RALB: variants seen among roughly 807,000 people sequenced by gnomAD.
RALB encodes the protein ras-related protein Ral-B.
Under a neutral mutation model 21.3 loss-of-function variants are expected in RALB, and 16 were observed. The observed-to-expected ratio is 0.75, with a 90% CI of 0.51 to 1.14. RALB has a LOEUF of 1.14. Among genes scored for constraint, RALB ranks in the 50% most tolerant of loss-of-function variants. The pLI is 0.00. For missense variants in RALB, 161 were observed against 256.2 expected (o/e 0.63, Z 2.54); for synonymous variants, 93 against 96.1 (o/e 0.97, Z 0.19).
chr2:120,265,967 G>T (rs1198051339), intron 1 of RALB, among the ~76,000 whole-genome samples: 5 of 152,222 alleles, frequency 3.3e-5, no homozygotes, highest in African/African-American at 9.6e-5. Flanking sequence ...GTATAAATGT[G>T]TAACCATCTG....
intron 3 of RALB, among the ~76,000 whole-genome samples, chr2:120,287,772 A>C (rs1038069058): frequency 2.6e-5 from 4 of 152,212 alleles, no homozygotes; most frequent in African/African-American, 9.7e-5. Flanking sequence ...GGAAAGAGAG[A>C]TCCTTAGAAG....
At position 120,272,002 on chromosome 2, in the gene RALB, C is replaced by T. The variant is rs1689676585; in HGVS notation, c.-47-6616C>T. ...AACATGTTGAAGGGTGCCATCTTAA[C>T]TCAGGCTGCCATAACAAAATACCAT... On this transcript the variant is annotated intron_variant, in intron 1 of 4. Transcript: ENST00000272519. Among the ~76,000 whole-genome samples, 2 of 152,184 alleles carry T rather than the reference C, an allele frequency of 1.3e-5. 1 individual carries two copies. The highest frequency in any genetic ancestry group is 4.1e-4 in the South Asian group (2 of 4,834).
At chr2:120,252,002 T>C (rs1689065770), upstream of RALB, among the ~76,000 whole-genome samples, 1 of 152,180 alleles carries the variant, frequency 6.6e-6, no homozygotes, top group Non-Finnish European at 1.5e-5. Flanking sequence ...CTAGCAGCCA[T>C]GGATATCACA....
intron 3 of RALB, among the ~76,000 whole-genome samples, chr2:120,288,875 C>T (rs1573359454): frequency 6.6e-6 from 1 of 152,156 alleles, no homozygotes; most frequent in East Asian, 1.9e-4. Flanking sequence ...TGGCCTATAA[C>T]ATTACTGTGT....
At position 120,285,964 on chromosome 2, in the gene RALB, A is replaced by T. The variant is rs756159101; in HGVS notation, c.205A>T (p.Thr69Ser). ...GEEVQIDILDTAGQEDYAAIR... is the reference protein window; with the variant it reads ...GEEVQIDILDSAGQEDYAAIR... ...AGAAGTTCAGATAGATATTCTGGAC[A>T]CCGCTGGGCAAGAGGACTACGCAGC... Residue 69 changes from threonine to serine, a missense_variant, in exon 3 of 5, where the codon ACC becomes TCC. Coordinates refer to ENST00000272519, the MANE Select transcript of RALB (RefSeq NM_002881.3). 6.2e-7 allele frequency: 1 copy of T among 1,614,078 alleles called. No homozygotes were observed. The highest frequency in any genetic ancestry group is 2.2e-5 in the East Asian group (1 of 44,884).
chr2:120,252,959 G>T lies in RALB; in HGVS notation c.-69G>T. 1 of 985,682 alleles carries T rather than the reference G, an allele frequency of 1.0e-6. No individual in the cohort carries two copies. The highest frequency in any genetic ancestry group is 1.2e-6 in the Non-Finnish European group (1 of 830,348). 61.1% of individuals were successfully genotyped at this position (985,682 alleles called of 1,614,324 possible). A position where few individuals can be genotyped will look rare whatever the true frequency, so the allele number is the denominator to read the frequency against. ...AGCTGCGGGCCGGGTGCGGACGGCG[G>T]AGGCGGCGGGACTGGTCCCTGGTAA... On this transcript the variant is annotated 5_prime_UTR_variant, in exon 1 of 5. Transcript: ENST00000272519.
At position 120,286,074 on chromosome 2, in the gene RALB, C is replaced by A; in HGVS notation, c.315C>A (p.Ala105=). ...ITEHESFTAT[A]EFREQILRVK... The stretch of plus-strand genomic sequence containing the variant: ...AACATGAATCCTTTACAGCAACTGC[C>A]GAATTCAGGTATGTCTGAAATGAAA... Residue 105 remains alanine, a synonymous_variant, in exon 3 of 5, where the codon GCC becomes GCA. Coordinates refer to ENST00000272519, the MANE Select transcript of RALB (RefSeq NM_002881.3). 1 of 1,613,804 alleles carries A rather than the reference C, an allele frequency of 6.2e-7. No individual in the cohort carries two copies. The highest frequency in any genetic ancestry group is 2.2e-5 in the East Asian group (1 of 44,876).
At chr2:120,259,142 A>C (rs1689278155) in intron 1 of RALB, among the ~76,000 whole-genome samples, 1 of 152,222 alleles carries the variant, frequency 6.6e-6, no homozygotes, top group African/African-American at 2.4e-5. Flanking sequence ...GTGGACCCAA[A>C]GAGTGAGCAG....
At chr2:120,272,376 G>C (rs563360024) in intron 1 of RALB, among the ~76,000 whole-genome samples, 1 of 152,326 alleles carries the variant, frequency 6.6e-6, no homozygotes, top group South Asian at 2.1e-4. Context: ...TGTGCTTCAT[G>C]TTAGGGACAA....
chr2:120,291,969 G>C (rs1340697929), intron 4 of RALB, among the ~76,000 whole-genome samples: 1 of 152,130 alleles, frequency 6.6e-6, no homozygotes, highest in Non-Finnish European at 1.5e-5. Context: ...GAAGATAAGG[G>C]CTGTGCTCAG....
chr2:120,288,349 T>TTC (rs1418323276), intron 3 of RALB, among the ~76,000 whole-genome samples: 1 of 141,818 alleles, frequency 7.1e-6, no homozygotes, highest in African/African-American at 2.6e-5. Flanking sequence ...TTAGTTTTTT[T>TTC]TTTTGTTTTT....
intron 2 of RALB, chr2:120,280,825 T>A: frequency 2.6e-6 from 1 of 391,362 alleles, no homozygotes; most frequent in Non-Finnish European, 4.9e-6. Context: ...TTATTTTTTA[T>A]TCTCTATAGG....
intron 2 of RALB, among the ~76,000 whole-genome samples, chr2:120,283,339 C>G (rs1047210304): frequency 1.3e-5 from 2 of 152,138 alleles, no homozygotes; most frequent in African/African-American, 4.8e-5. Flanking sequence ...ATGCGTGGCC[C>G]AAGACAGTTT....
chr2:120,285,346 T>C (rs1021786485), intron 2 of RALB, among the ~76,000 whole-genome samples: 3 of 152,212 alleles, frequency 2.0e-5, no homozygotes, highest in Admixed American at 1.3e-4. Flanking sequence ...ACAACCTAAA[T>C]GATGAGATTT....
At chr2:120,243,006 T>C (rs537721949) in intron 1 of RALB, among the ~76,000 whole-genome samples, 98 of 152,302 alleles carry the variant, frequency 6.4e-4, no homozygotes, top group African/African-American at 2.2e-3. Flanking sequence ...GGCATTGTAT[T>C]ATGTAATCTT....
intron 1 of RALB, among the ~76,000 whole-genome samples, chr2:120,246,986 A>G (rs1011678881): frequency 2.6e-5 from 4 of 152,228 alleles, no homozygotes; most frequent in Admixed American, 2.6e-4. Flanking sequence ...CTTTGGAAAG[A>G]GCTCAGCGCG....
intron 3 of RALB, among the ~76,000 whole-genome samples, chr2:120,289,254 T>G (rs182662226): frequency 0.079 from 11,903 of 151,296 alleles, 586 homozygotes; most frequent in Non-Finnish European, 0.12. Context: ...GTTTTTTTTT[T>G]TGTGTGTGCA....
intron 1 of RALB, among the ~76,000 whole-genome samples, chr2:120,264,610 A>G (rs918893950): frequency 9.2e-5 from 14 of 152,334 alleles, no homozygotes; most frequent in African/African-American, 3.1e-4. Flanking sequence ...TGTACATAAG[A>G]TAAAATTCAA....
intron 1 of RALB, among the ~76,000 whole-genome samples, chr2:120,272,501 G>A (rs747865279): frequency 5.3e-5 from 8 of 152,224 alleles, no homozygotes; most frequent in Non-Finnish European, 1.0e-4. Context: ...GGAGCAAAAT[G>A]TTGATTGTAA....
Sources: gnomAD v4.1 joint callset for allele counts (sites outside exome capture counted in the v4.1 genomes callset) on GRCh38, gnomAD v4.1.1 for gene constraint, MANE v1.5 for transcripts, NCBI Gene and HGNC (gene_info 2026-07-23, HGNC 2026-07-21) for gene names.